The following PLEKHM1 variants were observed in gnomAD, a reference collection of about 807,000 sequenced individuals.
PLEKHM1 encodes pleckstrin homology and RUN domain containing M1.
A neutral mutation model predicts 94.3 loss-of-function variants in PLEKHM1; 28 were observed. That is an observed-to-expected ratio of 0.30 (90% CI 0.22 to 0.41). The LOEUF is 0.41. Among genes scored for constraint, PLEKHM1 ranks in the 10% least tolerant of loss-of-function variants. The probability of loss-of-function intolerance (pLI) is 1.00; values close to 1 mark genes in which losing one functional copy is unlikely to be tolerated. For missense variants in PLEKHM1, 907 were observed against 1,358.6 expected (o/e 0.67, Z 5.22); for synonymous variants, 424 against 581.2 (o/e 0.73, Z 3.89).
rs1449249287 is a variant in PLEKHM1, at chr17:45,436,504, C to A, written c.*1354G>T. 3 of 453,430 alleles carry A rather than the reference C, an allele frequency of 6.6e-6. No individual in the cohort carries two copies. The highest frequency in any genetic ancestry group is 8.8e-6 in the Non-Finnish European group (2 of 226,372). 28.1% of individuals were successfully genotyped at this position (453,430 alleles called of 1,614,324 possible). ...TCTCTGACAGTGACATGCGGCTCTC[C>A]ACCTGAGGCCTGACTCCAAGCTGAG... On this transcript the variant is annotated 3_prime_UTR_variant, in exon 12 of 12. Transcript: ENST00000430334.
chr17:45,473,563 A>ATT (rs67210907), intron 4 of PLEKHM1, among the ~76,000 whole-genome samples: 1 of 147,254 alleles, frequency 6.8e-6, no homozygotes, highest in Non-Finnish European at 1.5e-5. Context: ...AAAATCTTTT[A>ATT]TTTTTTTTTT....
At chr17:45,487,018 G>A (rs1009271806) in intron 1 of PLEKHM1, among the ~76,000 whole-genome samples, 7 of 152,134 alleles carry the variant, frequency 4.6e-5, no homozygotes, top group African/African-American at 1.7e-4. Flanking sequence ...AAGAACCAAA[G>A]TGAAGAGAGG....
rs527419987 is a variant in PLEKHM1, at chr17:45,455,804, C to T, written c.1580-1532G>A. ...CCCCTTCTCCCCTGTAGTCCCTCAGCGTAGGAGCCATGATGACCCATTTAA... is the reference window on the plus strand; with the variant it reads ...CCCCTTCTCCCCTGTAGTCCCTCAGTGTAGGAGCCATGATGACCCATTTAA... On this transcript the variant is annotated intron_variant, in intron 6 of 11. Coordinates refer to ENST00000430334, the MANE Select transcript of PLEKHM1 (RefSeq NM_014798.3). Among the ~76,000 whole-genome samples, 106 of 152,260 alleles carry T rather than the reference C, an allele frequency of 7.0e-4. 1 individual carries two copies. The highest frequency in any genetic ancestry group is 2.3e-3 in the African/African-American group (94 of 41,556).
intron 8 of PLEKHM1, among the ~76,000 whole-genome samples, chr17:45,447,197 C>A (rs892866947): frequency 6.6e-6 from 1 of 152,194 alleles, no homozygotes; most frequent in Non-Finnish European, 1.5e-5. Flanking sequence ...CCTCAGGAGA[C>A]CTGCCCCTGT....
intron 8 of PLEKHM1, among the ~76,000 whole-genome samples, chr17:45,450,029 C>T (rs532082966): frequency 6.6e-6 from 1 of 151,732 alleles, no homozygotes; most frequent in Admixed American, 6.6e-5. Context: ...ATCCACCTAC[C>T]TACCTACCCA....
Position 45,469,911 on chromosome 17 carries a change from A to G in PLEKHM1, c.924-1318T>C, listed in dbSNP as rs553329437. On this transcript the variant is annotated intron_variant, in intron 4 of 11. Coordinates refer to ENST00000430334, the MANE Select transcript of PLEKHM1 (RefSeq NM_014798.3). ...AAGATGGTAAAACCCCGTCTCTACTAAAAATACAAAAATTAGCCAGGCTTG... is the reference window on the plus strand; with the variant it reads ...AAGATGGTAAAACCCCGTCTCTACTGAAAATACAAAAATTAGCCAGGCTTG... Among the ~76,000 whole-genome samples the G allele has an allele frequency of 1.6e-3, 251 of 152,230 alleles. 2 individuals carry two copies. Among genetic ancestry groups the G allele is most frequent in the South Asian group, 8.1e-3 (39 of 4,826 alleles).
chr17:45,458,494 G>C, intron 5 of PLEKHM1, 55 bp from the exon 6 acceptor site: 7 of 1,506,908 alleles, frequency 4.6e-6, no homozygotes, highest in Non-Finnish European at 6.4e-6. Flanking sequence ...GTTTTGAGAC[G>C]GAGTCTCGCT....
rs764662581 is a variant in PLEKHM1 at position 45,458,450 on chromosome 17, A to G, written c.1309-11T>C. ...CCAGCTCTTGTTTTTCTGTTGGGAA[A>G]GAAGACAACAGTTGTTTGTTTTAAA... On this transcript the variant is annotated splice_polypyrimidine_tract_variant and intron_variant, in intron 5 of 11. Transcript: ENST00000430334. 3 of 1,605,960 alleles carry G rather than the reference A, an allele frequency of 1.9e-6. No homozygotes were observed.
intron 11 of PLEKHM1, 136 bp downstream of exon 11, chr17:45,439,341 C>T: frequency 1.0e-6 from 1 of 993,244 alleles, no homozygotes; most frequent in Non-Finnish European, 1.5e-6. Context: ...CTGCACCACC[C>T]CTTGGCACAG....
chr17:45,488,748 G>C (rs1567812811), intron 1 of PLEKHM1, among the ~76,000 whole-genome samples: 1 of 152,140 alleles, frequency 6.6e-6, no homozygotes, highest in Non-Finnish European at 1.5e-5. Context: ...AGACCAGCCT[G>C]ATCAACACAG....
intron 5 of PLEKHM1, among the ~76,000 whole-genome samples, chr17:45,465,020 A>G (rs1324913864): frequency 6.6e-6 from 1 of 152,076 alleles, no homozygotes; most frequent in Non-Finnish European, 1.5e-5. Context: ...AGATACCAAG[A>G]AAAAGAACCA....
intron 1 of PLEKHM1, among the ~76,000 whole-genome samples, chr17:45,484,770 G>C (rs2052058081): frequency 6.6e-6 from 1 of 152,146 alleles, no homozygotes; most frequent in South Asian, 2.1e-4. Flanking sequence ...CTTTCGCTGG[G>C]GGCCGGGAAC....
Position 45,444,214 on chromosome 17 carries a change from T to A in PLEKHM1, c.2837+1256A>T, listed in dbSNP as rs1242924517. 6.6e-6 allele frequency among the ~76,000 whole-genome samples: 1 copy of A among 152,072 alleles called. No individual in the cohort carries two copies. Among genetic ancestry groups the A allele is most frequent in the Non-Finnish European group, 1.5e-5 (1 of 67,986 alleles). ...GAACCTGGAGGGGCTTGTGAACTGG[T>A]CCCTGCCCCCAGAAACCCAGCAGAG... On this transcript the variant is annotated intron_variant, in intron 9 of 11. Coordinates refer to ENST00000430334, the MANE Select transcript of PLEKHM1 (RefSeq NM_014798.3). This position sits in a 1 kb window ranked among gnomAD's most constrained non-coding sequence, Gnocchi z 5.0.
In PLEKHM1 at chr17:45,453,006, A is replaced by C; in HGVS notation, c.2497+349T>G. 1 of 489,000 alleles carries C rather than the reference A, an allele frequency of 2.0e-6. No individual in the cohort carries two copies. Among genetic ancestry groups the C allele is most frequent in the Non-Finnish European group, 3.7e-6 (1 of 267,980 alleles). The allele number at this position is 489,000 out of a possible 1,614,324, so 30.3% of individuals were successfully genotyped here. A position where few individuals can be genotyped will look rare whatever the true frequency, so the allele number is the denominator to read the frequency against. The stretch of plus-strand genomic sequence containing the variant: ...TATAAAAGCAGCAGAAATATTTGGA[A>C]GGAAACCATGCCCCTGCTCTGAAAG... On this transcript the variant is annotated intron_variant, in intron 7 of 11. Transcript: ENST00000430334. This position sits in a 1 kb window ranked among gnomAD's most constrained non-coding sequence, Gnocchi z 4.1.
At chr17:45,466,347 A>G (rs532614557) in intron 5 of PLEKHM1, among the ~76,000 whole-genome samples, 38 of 152,340 alleles carry the variant, frequency 2.5e-4, no homozygotes, top group African/African-American at 9.1e-4. Context: ...GGAGATGAAT[A>G]TCTCTTAAAT....
At chr17:45,447,475 C>T (rs915756210) in intron 8 of PLEKHM1, among the ~76,000 whole-genome samples, 1 of 152,294 alleles carries the variant, frequency 6.6e-6, no homozygotes, top group Non-Finnish European at 1.5e-5. Context: ...GCGCTGAACA[C>T]TGCCAAACAC....
chr17:45,455,091 C>G (rs918812234), intron 6 of PLEKHM1, among the ~76,000 whole-genome samples: 6 of 152,210 alleles, frequency 3.9e-5, no homozygotes, highest in Non-Finnish European at 8.8e-5. Context: ...CACTCCACTG[C>G]ACTTCAGCCT....
At chr17:45,438,023 TG>T in intron 11 of PLEKHM1, 54 bp from the exon 12 acceptor site, 1 of 1,319,418 alleles carries the variant, frequency 7.6e-7, no homozygotes, top group Non-Finnish European at 1.1e-6. Context: ...GGTTGCCCTG[TG>T]GCCACGCTGG....
intron 4 of PLEKHM1, among the ~76,000 whole-genome samples, chr17:45,469,712 A>T (rs776781405): frequency 6.6e-6 from 1 of 152,200 alleles, no homozygotes; most frequent in African/African-American, 2.4e-5. Flanking sequence ...GCTCTGCACC[A>T]TCTTAACCCC....
Sources: allele counts gnomAD v4.1 joint callset (sites outside exome capture counted in the v4.1 genomes callset), GRCh38; gene constraint gnomAD v4.1.1; non-coding constraint Gnocchi (gnomAD v3.1); transcripts MANE v1.5; gene names NCBI Gene and HGNC (gene_info 2026-07-23, HGNC 2026-07-21).